The following PCDH10 variants were observed in gnomAD, a reference collection of about 807,000 sequenced individuals.
PCDH10 encodes the protein protocadherin-10.
PCDH10 carries 15 observed loss-of-function variants against 74.4 expected under a neutral mutation model. The observed-to-expected ratio is 0.20, with a 90% confidence interval of 0.13 to 0.31. The LOEUF (loss-of-function observed/expected upper bound fraction) is 0.31, where lower values mean the gene tolerates loss of function less well. PCDH10 is among the 10% of genes least tolerant of loss of function. The pLI, the probability that PCDH10 is intolerant of heterozygous loss-of-function variation, is 1.00. For missense variants in PCDH10, 1,260 were observed against 1,390.2 expected, an observed-to-expected ratio of 0.91 and a Z score of 1.49; for synonymous variants, 619 against 589.8, an observed-to-expected ratio of 1.05 and a Z score of -0.72.
chr4:133,161,492 A>G (rs1008377520), intron 3 of PCDH10, among the ~76,000 whole-genome samples: 2 of 152,130 alleles, frequency 1.3e-5, no homozygotes, highest in Non-Finnish European at 2.9e-5. Context: ...ACACAAATAT[A>G]TATAAATCAA....
At chr4:133,158,605 A>G (rs1726909399) in intron 3 of PCDH10, among the ~76,000 whole-genome samples, 1 of 152,172 alleles carries the variant, frequency 6.6e-6, no homozygotes, top group Non-Finnish European at 1.5e-5. Context: ...TGATTGGTCA[A>G]TAATTTCAAA....
downstream of PCDH10, among the ~76,000 whole-genome samples, chr4:133,197,838 TTG>T (rs1727824762): frequency 6.6e-6 from 1 of 152,124 alleles, no homozygotes; most frequent in Admixed American, 6.5e-5. Context: ...GCATGGTGAA[TTG>T]TGTAAGCCCA....
At chr4:133,198,033 T>A (rs1727828546), downstream of PCDH10, among the ~76,000 whole-genome samples, 5 of 151,000 alleles carry the variant, frequency 3.3e-5, no homozygotes, top group South Asian at 1.0e-3. Flanking sequence ...AACAGGCTCA[T>A]ATGAAAGAAT....
intron 4 of PCDH10, among the ~76,000 whole-genome samples, chr4:133,169,104 C>T (rs982888844): frequency 2.6e-5 from 4 of 151,462 alleles, no homozygotes; most frequent in African/African-American, 9.7e-5. Flanking sequence ...ATTTCTTAAC[C>T]CTTTTAGAAT....
chr4:133,150,842 C>G lies in PCDH10; in HGVS notation c.702C>G (p.Ala234=). ...CCCAGCAGCAGCGCACCGGCACGGC[C>G]CTACTCACCATCCGAGTGCTGGACT... ...LPPQQQRTGT[A]LLTIRVLDSN... Residue 234 remains alanine, a synonymous_variant, in exon 1 of 5, where the codon GCC becomes GCG. Coordinates refer to ENST00000264360, the MANE Select transcript of PCDH10 (RefSeq NM_032961.3). 2 of 1,601,016 alleles carry G rather than the reference C, an allele frequency of 1.2e-6. No individual in the cohort carries two copies. The highest frequency in any genetic ancestry group is 8.5e-7 in the Non-Finnish European group (1 of 1,175,450).
intron 3 of PCDH10, among the ~76,000 whole-genome samples, chr4:133,156,715 C>T (rs980514135): frequency 1.3e-5 from 2 of 152,148 alleles, no homozygotes; most frequent in African/African-American, 4.8e-5. Context: ...CCCACACGCC[C>T]CGCTTTGTTT....
intron 4 of PCDH10, among the ~76,000 whole-genome samples, chr4:133,169,581 A>G (rs565683698): frequency 6.6e-6 from 1 of 151,972 alleles, no homozygotes; most frequent in South Asian, 2.1e-4. Flanking sequence ...AAACTGTGTA[A>G]GCATTTGTCC....
chr4:133,182,991 T>C (rs1195576774), intron 4 of PCDH10, among the ~76,000 whole-genome samples: 1 of 152,092 alleles, frequency 6.6e-6, no homozygotes, highest in Non-Finnish European at 1.5e-5. Context: ...GTTTCAAAAA[T>C]AGATCTTTAG....
Position 133,168,603 on chromosome 4 carries a change from A to G in PCDH10, c.3103+5321A>G, listed in dbSNP as rs1435239568. ...ACAATTATAAGTACTATGTTTTGCA[A>G]CTGCTTTCTCACCATTTATTAACTT... On this transcript the variant is annotated intron_variant, in intron 4 of 4. Transcript: ENST00000264360. Among the ~76,000 whole-genome samples the G allele has an allele frequency of 2.0e-5, 3 of 151,586 alleles. No homozygotes were observed. In the East Asian group the frequency reaches 5.8e-4, roughly 29 times the overall value.
At chr4:133,180,039 T>C (rs1452065286) in intron 4 of PCDH10, among the ~76,000 whole-genome samples, 3 of 152,074 alleles carry the variant, frequency 2.0e-5, no homozygotes, top group Admixed American at 2.0e-4. Flanking sequence ...TTTATCTTCT[T>C]TCAAATTTTC....
intron 4 of PCDH10, among the ~76,000 whole-genome samples, chr4:133,164,590 A>G (rs1331811936): frequency 6.6e-6 from 1 of 151,904 alleles, no homozygotes. Context: ...AGGTAAATCT[A>G]CTTCAAATAT....
At chr4:133,178,857 A>G (rs942944403) in intron 4 of PCDH10, among the ~76,000 whole-genome samples, 3 of 152,284 alleles carry the variant, frequency 2.0e-5, no homozygotes, top group South Asian at 2.1e-4. Context: ...AGTGAATTCA[A>G]TATTAGTCTG....
chr4:133,160,425 C>T (rs1726943571), intron 3 of PCDH10, among the ~76,000 whole-genome samples: 1 of 148,888 alleles, frequency 6.7e-6, no homozygotes, highest in Non-Finnish European at 1.5e-5. Flanking sequence ...TTTTGCCATG[C>T]ACATGCTATA....
At chr4:133,162,856 A>G (rs961248418) in intron 3 of PCDH10, 121 bp from the exon 4 acceptor site, 1 of 755,730 alleles carries the variant, frequency 1.3e-6, no homozygotes, top group Non-Finnish European at 2.1e-6. Context: ...AGGATAAGCC[A>G]GGAAAAATTT....
intron 4 of PCDH10, 148 bp from the exon 5 acceptor site, chr4:133,189,993 C>A: frequency 1.5e-6 from 1 of 668,142 alleles, no homozygotes. Context: ...GCTGTGACTA[C>A]TAGCAGTGAA....
Position 133,208,354 on chromosome 4 carries a change from A to G in PCDH10, n.716A>G, listed in dbSNP as rs141919509. On this transcript the variant is annotated non_coding_transcript_exon_variant, in exon 3 of 3. Transcript: ENST00000511112. ...GGTATATTGCCATGTGGCAATAAAT[A>G]GTTAATACATTATGTAGGTGAGAAT... 3.6e-4 allele frequency: 55 copies of G among 152,366 alleles called. No homozygotes were observed. In the East Asian group the frequency reaches 5.4e-3, roughly 15 times the overall value. 9.4% of individuals were successfully genotyped at this position (152,366 alleles called of 1,614,324 possible).
At chr4:133,186,200 G>C (rs916025293) in intron 4 of PCDH10, among the ~76,000 whole-genome samples, 1 of 151,996 alleles carries the variant, frequency 6.6e-6, no homozygotes, top group Non-Finnish European at 1.5e-5. Context: ...GTAGATACTT[G>C]AGAATCTCTT....
downstream of PCDH10, among the ~76,000 whole-genome samples, chr4:133,194,852 T>A (rs1294023675): frequency 6.6e-6 from 1 of 151,990 alleles, no homozygotes; most frequent in African/African-American, 2.4e-5. Flanking sequence ...TTGTATATGA[T>A]TCTCATGATA....
chr4:133,170,120 G>A (rs1266980335), intron 4 of PCDH10, among the ~76,000 whole-genome samples: 2 of 151,900 alleles, frequency 1.3e-5, no homozygotes, highest in African/African-American at 4.8e-5. Flanking sequence ...CTCCCAAAAC[G>A]TAATTACATA....
Sources: gnomAD v4.1 joint callset for allele counts (sites outside exome capture counted in the v4.1 genomes callset) on GRCh38, gnomAD v4.1.1 for gene constraint, MANE v1.5 for transcripts, NCBI Gene and HGNC (gene_info 2026-07-23, HGNC 2026-07-21) for gene names.